The following KRT26 variants were observed in gnomAD, a reference collection of about 807,000 sequenced individuals.
KRT26 encodes keratin 26, also known as keratin, type I cytoskeletal 26.
KRT26 carries 45 observed loss-of-function variants against 46.1 expected under a neutral mutation model. The observed-to-expected ratio is 0.98, with a 90% CI of 0.77 to 1.25. The LOEUF (loss-of-function observed/expected upper bound fraction) is 1.25. Among genes scored for constraint, KRT26 ranks in the 50% most tolerant of loss-of-function variants. KRT26 has a pLI of 0.00. For missense variants in KRT26, 582 were observed against 560.1 expected, an observed-to-expected ratio of 1.04 and a Z score of -0.39; for synonymous variants, 191 against 209.9, an observed-to-expected ratio of 0.91 and a Z score of 0.78.
At chr17:40,768,304 T>G (rs1029722903) in intron 6 of KRT26, among the ~76,000 whole-genome samples, 2 of 152,232 alleles carry the variant, frequency 1.3e-5, no homozygotes, top group African/African-American at 2.4e-5. Flanking sequence ...GACATTATAG[T>G]TAAGACTTGT....
At chr17:40,771,881 A>C (rs1176778930) in exon 1 of KRT26, 4 of 1,614,138 alleles carry the variant, frequency 2.5e-6, no homozygotes, top group Non-Finnish European at 1.7e-6. Context: ...CCCAGAGAGG[A>C]GGCTGTGCTC....
rs1019006181 is a variant in KRT26 at position 40,771,668 on chromosome 17, C to G, written c.441+5G>C. 4.4e-6 allele frequency: 7 copies of G among 1,601,974 alleles called. No individual in the cohort carries two copies. The African/African-American group carries it at 9.4e-5, about 22-fold the overall frequency. ...AGTAAAAGTATGCAAATCCCTATTT[C>G]TTACCTGCCTTTTAAGATCTTCTAT... On this transcript the variant is annotated splice_donor_5th_base_variant and intron_variant, in intron 1 of 7. Coordinates refer to ENST00000335552, the Ensembl canonical transcript of KRT26.
intron 6 of KRT26, 28 bp downstream of exon 6, chr17:40,768,851 T>A (rs1253068312): frequency 7.6e-7 from 1 of 1,318,090 alleles, no homozygotes; most frequent in South Asian, 1.4e-5. Context: ...TGTGAGGTTT[T>A]TTTTTTTTTT....
chr17:40,771,954 C>T, exon 1 of KRT26: 1 of 1,614,196 alleles, frequency 6.2e-7, no homozygotes, highest in South Asian at 1.1e-5. Context: ...CAGAAGCTTC[C>T]TCCAGAAGAG....
chr17:40,769,700 A>G (rs2038202772), intron 5 of KRT26, 54 bp downstream of exon 5: 2 of 1,574,292 alleles, frequency 1.3e-6, no homozygotes, highest in Non-Finnish European at 1.7e-6. Flanking sequence ...TTATATCTGT[A>G]TTGACTTATA....
At chr17:40,768,801 G>T in intron 6 of KRT26, 78 bp downstream of exon 6, 1 of 697,268 alleles carries the variant, frequency 1.4e-6, no homozygotes, top group Non-Finnish European at 2.3e-6. Flanking sequence ...ATTCTAGGAT[G>T]CAATATTGGC....
upstream of KRT26, chr17:40,772,195 G>T: frequency 9.2e-7 from 1 of 1,088,850 alleles, no homozygotes; most frequent in South Asian, 1.4e-5. Flanking sequence ...AGCTCCCTTG[G>T]CCTTTTATAG....
In KRT26 at chr17:40,771,739, G is replaced by A. The variant is rs190155460; in HGVS notation, c.375C>T (p.Gly125=). Reference sequence around the variant, plus strand: ...AGTCATGATCGTGTTCCCGGGAAGAGCCAGGCTCACATTTCTCGTACCAGC... The same window carrying A: ...AGTCATGATCGTGTTCCCGGGAAGAACCAGGCTCACATTTCTCGTACCAGC... The change falls in exon 1 of 8, where the codon GGC becomes GGT. Residue 125 remains glycine (G), a synonymous_variant. Transcript: ENST00000335552. 25 of 1,614,200 alleles carry A rather than the reference G, an allele frequency of 1.5e-5. No individual in the cohort carries two copies. The East Asian group carries it at 5.6e-4, about 36-fold the overall frequency.
chr17:40,771,685 A>G, exon 1 of KRT26: 1 of 1,607,584 alleles, frequency 6.2e-7, no homozygotes, highest in Non-Finnish European at 8.5e-7. Context: ...GCCTTTTAAG[A>G]TCTTCTATGA....
Position 40,768,870 on chromosome 17 carries a change from A to C in KRT26, c.1187+9T>G. On this transcript the variant is annotated intron_variant, in intron 6 of 7. Transcript: ENST00000335552. ...AGGTTTTTTTTTTTTTTTGCAAGTT[A>C]ATCTTTACCTTTCTTCTCCATCTAG... 7.4e-7 allele frequency: 1 copy of C among 1,358,302 alleles called. No homozygotes were observed. Among genetic ancestry groups the C allele is most frequent in the Non-Finnish European group, 1.0e-6 (1 of 991,492 alleles). 84.1% of individuals were successfully genotyped at this position (1,358,302 alleles called of 1,614,324 possible).
chr17:40,771,972 C>G (rs748813549), exon 1 of KRT26: 49 of 1,614,088 alleles, frequency 3.0e-5, no homozygotes, highest in Non-Finnish European at 3.9e-5. Context: ...GAGATGCCCT[C>G]AAGAGTACAA....
chr17:40,770,427 C>A lies in KRT26; in HGVS notation c.525-18G>T. The stretch of plus-strand genomic sequence containing the variant: ...TTTCATACCTGAAAGATTAGTAAGG[C>A]ACCTGAGAGTTGTCATCGTAGGCAG... On this transcript the variant is annotated intron_variant, in intron 2 of 7. Coordinates refer to ENST00000335552, the Ensembl canonical transcript of KRT26. 1 of 1,566,482 alleles carries A rather than the reference C, an allele frequency of 6.4e-7. No individual in the cohort carries two copies. Among genetic ancestry groups the A allele is most frequent in the African/African-American group, 1.4e-5 (1 of 73,090 alleles).
In KRT26 at chr17:40,771,013, G is replaced by A. The variant is rs80174133; in HGVS notation, c.524+141C>T. The A allele has an allele frequency of 8.6e-4, 440 of 512,610 alleles. 4 individuals are homozygous for A. Among genetic ancestry groups the A allele is most frequent in the African/African-American group, 8.2e-3 (414 of 50,772 alleles). The allele number at this position is 512,610 out of a possible 1,614,324, so 31.8% of individuals were successfully genotyped here. A position where few individuals can be genotyped will look rare whatever the true frequency, so the allele number is the denominator to read the frequency against. On this transcript the variant is annotated intron_variant, in intron 2 of 7. Coordinates refer to ENST00000335552, the Ensembl canonical transcript of KRT26. ...AACCATGATAGCTCTTTTTATAACG[G>A]CTTATTTAATTCAATTTCTTTATTG...
At chr17:40,771,161 T>C in exon 2 of KRT26, 1 of 1,585,440 alleles carries the variant, frequency 6.3e-7, no homozygotes, top group Non-Finnish European at 8.6e-7. Context: ...TACTTCAGCC[T>C]GAAGTCATCA....
chr17:40,772,105 A>T (rs1285024624), exon 1 of KRT26: 1 of 1,613,846 alleles, frequency 6.2e-7, no homozygotes, highest in East Asian at 2.2e-5. Flanking sequence ...CAGAAAGTCG[A>T]AAAGACATGG....
chr17:40,770,236 T>C lies in KRT26; in HGVS notation c.681+17A>G, dbSNP rs1223308813. The C allele has an allele frequency of 6.2e-6, 10 of 1,613,784 alleles. No homozygotes were observed. The highest frequency in any genetic ancestry group is 7.6e-6 in the Non-Finnish European group (9 of 1,179,760). Reference sequence around the variant, plus strand: ...GAAATTAGAAACTGTATGAAGCCACTCTGCAGGCTTCCTTACCTCCTCATG... The same window carrying C: ...GAAATTAGAAACTGTATGAAGCCACCCTGCAGGCTTCCTTACCTCCTCATG... On this transcript the variant is annotated intron_variant, in intron 3 of 7. Transcript: ENST00000335552.
chr17:40,771,563 G>T, intron 1 of KRT26, 110 bp downstream of exon 1: 1 of 943,972 alleles, frequency 1.1e-6, no homozygotes, highest in Non-Finnish European at 1.6e-6. Context: ...AATACAGAGT[G>T]AACAAATCTT....
chr17:40,768,753 T>A, intron 6 of KRT26, 126 bp downstream of exon 6: 2 of 567,980 alleles, frequency 3.5e-6, no homozygotes, highest in Non-Finnish European at 3.0e-6. Flanking sequence ...ATAATATACA[T>A]TCCTGAGGAT....
intron 2 of KRT26, 73 bp from the exon 3 acceptor site, chr17:40,770,482 A>C (rs188928120): frequency 2.5e-6 from 3 of 1,221,692 alleles, no homozygotes; most frequent in Non-Finnish European, 3.5e-6. Context: ...AAGGTATTTC[A>C]TATGCTGAAA....
Sources: allele counts gnomAD v4.1 joint callset (sites outside exome capture counted in the v4.1 genomes callset), GRCh38; gene constraint gnomAD v4.1.1; transcripts MANE v1.5; gene names NCBI Gene and HGNC (gene_info 2026-07-23, HGNC 2026-07-21).